The following RYR1 variants were observed in gnomAD, a reference collection of about 807,000 sequenced individuals.
The protein encoded by RYR1 is ryanodine receptor 1.
In RYR1, 342 loss-of-function variants were observed where a neutral mutation model predicts 583.5. The observed-to-expected ratio is 0.59, with a 90% CI of 0.54 to 0.64. RYR1 has a LOEUF of 0.64. RYR1 is among the 30% of genes least tolerant of loss of function. The pLI, the probability that RYR1 is intolerant of heterozygous loss-of-function variation, is 0.00. For missense variants in RYR1, 6,032 were observed against 6,917.2 expected, an observed-to-expected ratio of 0.87 and a Z score of 4.54; for synonymous variants, 2,791 against 2,822.5, an observed-to-expected ratio of 0.99 and a Z score of 0.35.
Position 38,473,712 on chromosome 19 carries a change from G to C in RYR1, c.4101G>C (p.Ala1367=). ...PGGTPQAGGE[A]QPARAENEKD... ...GCACCCCGCAGGCGGGGGGAGAGGC[G>C]CAGCCCGCCAGGGCGGAGAATGAGA... is the stretch of plus-strand genomic sequence containing the variant. Residue 1367 remains alanine, a synonymous_variant, in exon 28 of 106, where the codon GCG becomes GCC. Transcript: ENST00000359596. 6.5e-7 allele frequency: 1 copy of C among 1,548,634 alleles called. No homozygotes were observed. Among genetic ancestry groups the C allele is most frequent in the South Asian group, 1.2e-5 (1 of 83,964 alleles).
rs138451462 is a variant in RYR1 at position 38,509,946 on chromosome 19, G to A, written c.8933-552G>A. Among the ~76,000 whole-genome samples the A allele has an allele frequency of 4.8e-3, 735 of 151,950 alleles. 6 individuals carry two copies. Among genetic ancestry groups the A allele is most frequent in the African/African-American group, 0.017 (716 of 41,532 alleles). Reference sequence around the variant, plus strand: ...TTAGAATGAAAAGCACTTATGGTGGGTGAGGAAGGGCATGTTCCATGACCT... The same window carrying A: ...TTAGAATGAAAAGCACTTATGGTGGATGAGGAAGGGCATGTTCCATGACCT... On this transcript the variant is annotated intron_variant, in intron 58 of 105. Transcript: ENST00000359596.
rs756317257 is a variant in RYR1 at position 38,584,931 on chromosome 19, C to T, written c.14647-12C>T. ...CGAATGAATGAGTGACCAGTGTGCTCCCCTCCCTCAGTGTTACCTGTTTCA... is the reference window on the plus strand; with the variant it reads ...CGAATGAATGAGTGACCAGTGTGCTTCCCTCCCTCAGTGTTACCTGTTTCA... On this transcript the variant is annotated splice_polypyrimidine_tract_variant and intron_variant, in intron 101 of 105. Transcript: ENST00000359596. The T allele has an allele frequency of 3.7e-6, 6 of 1,613,738 alleles. No homozygotes were observed. The highest frequency in any genetic ancestry group is 5.1e-6 in the Non-Finnish European group (6 of 1,179,848).
chr19:38,502,436 T>C (rs572396134), intron 47 of RYR1, 71 bp from the exon 48 acceptor site: 1 of 1,422,874 alleles, frequency 7.0e-7, no homozygotes, highest in African/African-American at 1.4e-5. Flanking sequence ...TTGGCCACAG[T>C]CGCTCAAGAC....
chr19:38,463,887 G>A lies in RYR1; in HGVS notation c.2786+37G>A, dbSNP rs1228354842. 4.6e-6 allele frequency: 7 copies of A among 1,526,006 alleles called. No homozygotes were observed. In the Middle Eastern group the frequency reaches 5.2e-4, roughly 112 times the overall value. 94.5% of individuals were successfully genotyped at this position (1,526,006 alleles called of 1,614,324 possible). Reference sequence around the variant, plus strand: ...GGGGAGCCGGGGGTTGGGGCTGGCTGCTGGTGCGGTGGGGGAGGGAGGCAT... The same window carrying A: ...GGGGAGCCGGGGGTTGGGGCTGGCTACTGGTGCGGTGGGGGAGGGAGGCAT... On this transcript the variant is annotated intron_variant, in intron 22 of 105. Transcript: ENST00000359596.
At chr19:38,494,852 C>CTTTTTTTTTTT (rs780267024) in intron 39 of RYR1, among the ~76,000 whole-genome samples, 2 of 142,114 alleles carry the variant, frequency 1.4e-5, no homozygotes. Context: ...CCCACCCCCC[C>CTTTTTTTTTTT]CTTTTTTTTT....
intron 83 of RYR1, 47 bp from the exon 84 acceptor site, chr19:38,537,833 T>C (rs1972039714): frequency 1.3e-6 from 2 of 1,548,162 alleles, no homozygotes; most frequent in African/African-American, 1.4e-5. Context: ...CGCTGTGTCT[T>C]GGCGCATCTG....
chr19:38,470,918 C>G (rs1261706452), intron 27 of RYR1, among the ~76,000 whole-genome samples: 1 of 152,148 alleles, frequency 6.6e-6, no homozygotes, highest in Non-Finnish European at 1.5e-5. Flanking sequence ...GCAGAGTGGA[C>G]GCAGAGTTCC....
intron 16 of RYR1, among the ~76,000 whole-genome samples, chr19:38,456,257 A>C (rs958288544): frequency 3.5e-5 from 5 of 143,766 alleles, no homozygotes; most frequent in African/African-American, 1.3e-4. Context: ...TACAGGCGTG[A>C]ACCACCAGCG....
chr19:38,506,072 T>A (rs1488315794), intron 54 of RYR1, 126 bp downstream of exon 54: 1 of 1,285,876 alleles, frequency 7.8e-7, no homozygotes, highest in Non-Finnish European at 1.1e-6. Context: ...GCAAGAGGGG[T>A]GCAGAAACCT....
Position 38,505,939 on chromosome 19 carries a change from G to C in RYR1, c.8534G>C (p.Ser2845Thr). The C allele has an allele frequency of 6.2e-7, 1 of 1,613,114 alleles. No homozygotes were observed. Among genetic ancestry groups the C allele is most frequent in the Non-Finnish European group, 8.5e-7 (1 of 1,179,944 alleles). Residue 2845 changes from serine to threonine, a missense_variant, in exon 54 of 106, where the codon AGT becomes ACT. By Grantham distance (58) the Ser-to-Thr change is moderately conservative. Transcript: ENST00000359596. ...AAAAAAACGCGGAAGATATCACAAA[G>C]TGCCCAGGTGAAGGCGGGGCCTGGG... ...EKKKTRKISQ[S>T]AQTYDPREGY...
intron 89 of RYR1, among the ~76,000 whole-genome samples, chr19:38,555,926 C>CA (rs1463749535): frequency 6.6e-6 from 1 of 152,040 alleles, no homozygotes; most frequent in African/African-American, 2.4e-5. Flanking sequence ...TGCAGTGGGG[C>CA]AATCTCAGCT....
chr19:38,550,913 A>ATGCTT (rs1972635929), intron 89 of RYR1, among the ~76,000 whole-genome samples: 1 of 149,798 alleles, frequency 6.7e-6, no homozygotes, highest in Non-Finnish European at 1.5e-5. Context: ...ATTTCGCCGT[A>ATGCTT]TGCTTTACCA....
chr19:38,508,365 C>G (rs1375768405), intron 58 of RYR1, among the ~76,000 whole-genome samples: 1 of 152,062 alleles, frequency 6.6e-6, no homozygotes, highest in African/African-American at 2.4e-5. Flanking sequence ...ACGGGCGCCG[C>G]CACACCCAGC....
intron 1 of RYR1, among the ~76,000 whole-genome samples, chr19:38,434,497 G>A (rs113157070): frequency 1.3e-5 from 2 of 152,242 alleles, no homozygotes; most frequent in African/African-American, 2.4e-5. Flanking sequence ...GTGTCTCCAT[G>A]TCTCTGTCTC....
intron 67 of RYR1, among the ~76,000 whole-genome samples, chr19:38,520,966 T>A (rs535264568): frequency 1.3e-5 from 2 of 152,208 alleles, no homozygotes; most frequent in African/African-American, 2.4e-5. Flanking sequence ...CTGTTTAATG[T>A]TCACGAGCAG....
chr19:38,539,604 T>C (rs1972118834), intron 84 of RYR1, among the ~76,000 whole-genome samples: 1 of 152,182 alleles, frequency 6.6e-6, no homozygotes, highest in South Asian at 2.1e-4. Context: ...AAAATAAATT[T>C]TATTCCTCAG....
At chr19:38,472,563 G>A (rs551921811) in intron 27 of RYR1, among the ~76,000 whole-genome samples, 1 of 152,060 alleles carries the variant, frequency 6.6e-6, no homozygotes, top group African/African-American at 2.4e-5. Context: ...TCAAATCTAG[G>A]GGGGAAAGCA....
chr19:38,519,172 C>T (rs1971108072), intron 66 of RYR1, 42 bp from the exon 67 acceptor site: 2 of 1,613,448 alleles, frequency 1.2e-6, no homozygotes, highest in African/African-American at 2.7e-5. Context: ...GGGCCTGTGT[C>T]AGAGGCCGGA....
chr19:38,478,363 T>G, intron 30 of RYR1, 72 bp from the exon 31 acceptor site: 1 of 1,558,430 alleles, frequency 6.4e-7, no homozygotes, highest in African/African-American at 1.4e-5. Context: ...TTCCGGGAGC[T>G]TGGGGAAGGG....
Sources: gnomAD v4.1 joint callset for allele counts (sites outside exome capture counted in the v4.1 genomes callset) on GRCh38, gnomAD v4.1.1 for gene constraint, MANE v1.5 for transcripts, NCBI Gene and HGNC (gene_info 2026-07-23, HGNC 2026-07-21) for gene names.